Variants in CUL2 observed in about 807,000 individuals in gnomAD.
The protein encoded by CUL2 is cullin-2.
CUL2 carries 22 observed loss-of-function variants against 110.2 expected under a neutral mutation model. The observed-to-expected ratio is 0.20, with a 90% CI of 0.14 to 0.28. CUL2 has a LOEUF of 0.28. CUL2 is among the 10% of genes least tolerant of loss of function. CUL2 has a pLI of 1.00. For missense variants in CUL2, 631 were observed against 905.5 expected, an observed-to-expected ratio of 0.70 and a Z score of 3.89; for synonymous variants, 279 against 293.2, an observed-to-expected ratio of 0.95 and a Z score of 0.49.
intron 9 of CUL2, among the ~76,000 whole-genome samples, chr10:35,035,905 C>T (rs1398224467): frequency 1.3e-5 from 2 of 152,230 alleles, no homozygotes; most frequent in African/African-American, 4.8e-5. Context: ...ATCTCTAACA[C>T]TGGGAGGTGA....
intron 3 of CUL2, among the ~76,000 whole-genome samples, 195 bp from the exon 4 acceptor site, chr10:35,061,163 G>GTGAAGC (rs2086370621): frequency 6.6e-6 from 1 of 152,054 alleles, no homozygotes; most frequent in South Asian, 2.1e-4. Context: ...CAAAATGAAA[G>GTGAAGC]TGAAGCATCC....
rs1564753937 is a variant in CUL2, at chr10:35,103,326, TTTTTTTA to T, written c.-50-2273_-50-2267del. ...CAAGCTAATTTTTTTTTTTTTTTTT[TTTTTTTA>T]TTTTTTTTTGAGACGGAGTTTCGCT... On this transcript the variant is annotated intron_variant, in intron 1 of 5. Transcript: ENST00000685421. Among the ~76,000 whole-genome samples the T allele has an allele frequency of 2.1e-4, 25 of 119,954 alleles. 1 individual carries two copies. The highest frequency in any genetic ancestry group is 5.5e-4 in the African/African-American group (19 of 34,786). 78.7% of individuals were successfully genotyped at this position (119,954 alleles called of 152,430 possible).
intron 1 of CUL2, among the ~76,000 whole-genome samples, chr10:35,121,540 G>A (rs1196274394): frequency 6.6e-6 from 1 of 152,218 alleles, no homozygotes; most frequent in Non-Finnish European, 1.5e-5. Context: ...TACAGCTAAA[G>A]AAAACTAGGC....
At chr10:35,102,900 A>AT (rs1564753763) in intron 1 of CUL2, among the ~76,000 whole-genome samples, 1 of 150,792 alleles carries the variant, frequency 6.6e-6, no homozygotes, top group Non-Finnish European at 1.5e-5. Context: ...AAAAAAAAAA[A>AT]TTTTAAGAAG....
At chr10:35,104,947 T>A (rs1189616208) in intron 1 of CUL2, among the ~76,000 whole-genome samples, 2 of 151,794 alleles carry the variant, frequency 1.3e-5, no homozygotes, top group African/African-American at 4.8e-5. Flanking sequence ...CAGGCTGGTC[T>A]CGAATTCCCG....
intron 4 of CUL2, among the ~76,000 whole-genome samples, chr10:35,057,185 T>C (rs2086259223): frequency 6.6e-6 from 1 of 152,242 alleles, no homozygotes; most frequent in Non-Finnish European, 1.5e-5. Flanking sequence ...AAGATCTAGA[T>C]GTATATTCTT....
At chr10:35,017,806 A>G (rs533958891) in intron 17 of CUL2, among the ~76,000 whole-genome samples, 39 of 151,972 alleles carry the variant, frequency 2.6e-4, no homozygotes, top group African/African-American at 9.2e-4. Context: ...GCATGACATC[A>G]GCACACTGAA....
rs1266287333 is a variant in CUL2, at chr10:35,031,418, CCTTT to C, written c.1300-36_1300-33del. ...TTAAAAATATTTTAAAAGATTACTT[CCTTT>C]CTAATGATTTAGCATTCAGAAATAA... is the stretch of plus-strand genomic sequence containing the variant. On this transcript the variant is annotated intron_variant, in intron 13 of 20. Transcript: ENST00000374749. This position sits in a 1 kb window ranked among gnomAD's most constrained non-coding sequence, Gnocchi z 4.4. 2.8e-5 allele frequency: 45 copies of C among 1,597,036 alleles called. No homozygotes were observed. The highest frequency in any genetic ancestry group is 1.5e-4 in the African/African-American group (11 of 74,074).
Position 35,031,720 on chromosome 10 carries a change from A to C in CUL2, c.1171-101T>G. ...GATACAAGGTAAGATCAGCGGACAG[A>C]ATTTTTGCTGTTTTTTTTAGAGACC... On this transcript the variant is annotated intron_variant, in intron 12 of 20. Transcript: ENST00000374749. The surrounding 1 kb of genome is among the most constrained non-coding windows in gnomAD (Gnocchi z 4.4). The C allele has an allele frequency of 7.5e-7, 1 of 1,330,242 alleles. No homozygotes were observed. The allele number at this position is 1,330,242 out of a possible 1,614,324, so 82.4% of individuals were successfully genotyped here.
intron 1 of CUL2, among the ~76,000 whole-genome samples, chr10:35,077,318 C>G (rs1359561624): frequency 4.1e-5 from 5 of 121,756 alleles, no homozygotes; most frequent in African/African-American, 1.5e-4. Flanking sequence ...AAAACAAAAA[C>G]AAACAAACAA....
At chr10:35,093,615 C>T (rs1301468793), upstream of CUL2, among the ~76,000 whole-genome samples, 5 of 137,718 alleles carry the variant, frequency 3.6e-5, no homozygotes, top group Admixed American at 8.1e-5. Context: ...GCCAAGATCA[C>T]GCCATACTGC....
chr10:35,012,668 G>C (rs1036071544), intron 19 of CUL2, among the ~76,000 whole-genome samples: 1 of 152,152 alleles, frequency 6.6e-6, no homozygotes, highest in African/African-American at 2.4e-5. Context: ...TTATTTATTA[G>C]CCTGGAGGAA....
At chr10:35,022,224 A>G (rs764475413) in intron 17 of CUL2, among the ~76,000 whole-genome samples, 36 of 152,234 alleles carry the variant, frequency 2.4e-4, no homozygotes, top group Non-Finnish European at 3.7e-4. Flanking sequence ...AAAGAGAAGG[A>G]AACAGGCTCA....
Position 35,047,607 on chromosome 10 carries a change from CA to C in CUL2, c.506+2075del, listed in dbSNP as rs61467648. 2.2e-3 allele frequency among the ~76,000 whole-genome samples: 266 copies of C among 120,102 alleles called. 1 individual carries two copies. Among genetic ancestry groups the C allele is most frequent in the Middle Eastern group, 5.2e-3 (1 of 192 alleles). The allele number at this position is 120,102 out of a possible 152,430, so 78.8% of individuals were successfully genotyped here. A position where few individuals can be genotyped will look rare whatever the true frequency, so the allele number is the denominator to read the frequency against. On this transcript the variant is annotated intron_variant, in intron 6 of 20. Transcript: ENST00000374749. Reference sequence around the variant, plus strand: ...CCTGGGCAACAGAGCAAGACTGTCTCAAAAAAAAAAAAAAAATACAGGCATA... The same window carrying C: ...CCTGGGCAACAGAGCAAGACTGTCTCAAAAAAAAAAAAAAATACAGGCATA...
intron 1 of CUL2, among the ~76,000 whole-genome samples, chr10:35,082,804 G>T (rs541134453): frequency 6.6e-6 from 1 of 152,260 alleles, no homozygotes; most frequent in South Asian, 2.1e-4. Flanking sequence ...ACTACTTGGG[G>T]ATCTTTCTCT....
At chr10:35,125,317 A>T (rs990212885) in intron 1 of CUL2, among the ~76,000 whole-genome samples, 1 of 152,266 alleles carries the variant, frequency 6.6e-6, no homozygotes, top group Non-Finnish European at 1.5e-5. Flanking sequence ...TGCTTTCTGA[A>T]CTTTATAATT....
intron 3 of CUL2, among the ~76,000 whole-genome samples, chr10:35,061,969 A>G (rs1275547906): frequency 6.6e-6 from 1 of 152,192 alleles, no homozygotes; most frequent in Non-Finnish European, 1.5e-5. Flanking sequence ...CAGTTTAAAT[A>G]AAACTGTGTT....
At chr10:35,084,403 G>A (rs983576141) in intron 1 of CUL2, among the ~76,000 whole-genome samples, 25 of 152,124 alleles carry the variant, frequency 1.6e-4, no homozygotes, top group African/African-American at 1.4e-4. Flanking sequence ...AAGGCACCCC[G>A]GAAGTTTCTA....
intron 17 of CUL2, among the ~76,000 whole-genome samples, chr10:35,019,260 A>T (rs2085124561): frequency 6.6e-6 from 1 of 152,180 alleles, no homozygotes; most frequent in Non-Finnish European, 1.5e-5. Context: ...AAGCAGAATG[A>T]GTCTTCTGCC....
Sources: allele counts gnomAD v4.1 joint callset (sites outside exome capture counted in the v4.1 genomes callset), GRCh38; gene constraint gnomAD v4.1.1; non-coding constraint Gnocchi (gnomAD v3.1); transcripts MANE v1.5; gene names NCBI Gene and HGNC (gene_info 2026-07-23, HGNC 2026-07-21).